BPIFB4: variants seen among roughly 807,000 people sequenced by gnomAD.
BPIFB4 encodes BPI fold containing family B member 4.
BPIFB4 carries 62 observed loss-of-function variants against 69.2 expected under a neutral mutation model. The observed-to-expected ratio is 0.90, with a 90% CI of 0.73 to 1.11. The LOEUF (loss-of-function observed/expected upper bound fraction) is 1.11, where lower values mean the gene tolerates loss of function less well. Ranked by LOEUF, BPIFB4 falls within the 50% of genes least tolerant of loss-of-function variation. BPIFB4 has a pLI of 0.00. For synonymous variants in BPIFB4, 330 were observed against 332.7 expected (o/e 0.99, Z 0.09); for missense variants, 789 against 792.0 (o/e 1.00, Z 0.04).
At position 33,104,872 on chromosome 20, in the gene BPIFB4, C is replaced by T. The variant is rs147752185; in HGVS notation, c.1743C>T (p.Asn581=). ...ACCTGGCATTCATGCCCGCAATGAA[C>T]GGTGAGAGCGGGTGCCTGTGCCTCT... is the stretch of plus-strand genomic sequence containing the variant. ...IFDLAFMPAM[N]AVLGSGVPLP... Residue 581 remains asparagine (N), a splice_region_variant and synonymous_variant, in exon 16 of 18, where the codon AAC becomes AAT. Coordinates refer to ENST00000375483, the MANE Select transcript of BPIFB4 (RefSeq NM_182519.3). 22 of 1,614,004 alleles carry T rather than the reference C, an allele frequency of 1.4e-5. No homozygotes were observed. The highest frequency in any genetic ancestry group is 9.9e-5 in the South Asian group (9 of 91,070).
At chr20:33,101,854 A>G (rs1293071341) in intron 14 of BPIFB4, among the ~76,000 whole-genome samples, 1 of 152,002 alleles carries the variant, frequency 6.6e-6, no homozygotes, top group Non-Finnish European at 1.5e-5. Context: ...CCTTCCTTTA[A>G]TTCTTGATAT....
intron 12 of BPIFB4, among the ~76,000 whole-genome samples, chr20:33,095,424 T>C (rs746068166): frequency 6.6e-6 from 1 of 152,236 alleles, no homozygotes; most frequent in Non-Finnish European, 1.5e-5. Context: ...CTTCCCTTGC[T>C]GTGTGACTTT....
At chr20:33,110,277 G>A (rs1421687686) in intron 17 of BPIFB4, among the ~76,000 whole-genome samples, 1 of 152,048 alleles carries the variant, frequency 6.6e-6, no homozygotes, top group Non-Finnish European at 1.5e-5. Context: ...CCTATTTTGT[G>A]CGATATGCCC....
intron 12 of BPIFB4, among the ~76,000 whole-genome samples, chr20:33,095,512 A>G (rs555328442): frequency 6.6e-6 from 1 of 152,312 alleles, no homozygotes; most frequent in South Asian, 2.1e-4. Flanking sequence ...TCCATAGGTT[A>G]TCATAGGAAG....
rs1389404398 is a variant in BPIFB4 at position 33,111,550 on chromosome 20, C to T, written c.*113C>T. Reference sequence around the variant, plus strand: ...GTCCCCTCAGCCTCCATGACAGGTCCCTCCCTGGCCCCCCAACCCTCTTCC... The same window carrying T: ...GTCCCCTCAGCCTCCATGACAGGTCTCTCCCTGGCCCCCCAACCCTCTTCC... On this transcript the variant is annotated 3_prime_UTR_variant, in exon 18 of 18. Transcript: ENST00000375483. 4 of 1,325,078 alleles carry T rather than the reference C, an allele frequency of 3.0e-6. No homozygotes were observed. Among genetic ancestry groups the T allele is most frequent in the Non-Finnish European group, 4.3e-6 (4 of 937,766 alleles). 82.1% of individuals were successfully genotyped at this position (1,325,078 alleles called of 1,614,324 possible).
intron 14 of BPIFB4, 35 bp from the exon 15 acceptor site, chr20:33,102,937 C>G: frequency 6.2e-7 from 1 of 1,610,270 alleles, no homozygotes; most frequent in Non-Finnish European, 8.5e-7. Flanking sequence ...TTCAGGCAAT[C>G]CCTGCTTCTC....
At chr20:33,097,569 C>A in intron 12 of BPIFB4, 48 bp from the exon 13 acceptor site, 1 of 1,569,976 alleles carries the variant, frequency 6.4e-7, no homozygotes, top group Non-Finnish European at 8.7e-7. Context: ...CCCCTGGGTA[C>A]CTCCTATGCT....
chr20:33,111,405 C>A lies in BPIFB4; in HGVS notation c.1822-9C>A, dbSNP rs756842528. The A allele has an allele frequency of 6.2e-7, 1 of 1,613,960 alleles. No homozygotes were observed. The highest frequency in any genetic ancestry group is 8.5e-7 in the Non-Finnish European group (1 of 1,179,860). ...ACCCATCACCGGCTACTCTGTTCTG[C>A]CATCCAAGGACCTTTTGGTGCTGAG... On this transcript the variant is annotated splice_polypyrimidine_tract_variant and intron_variant, in intron 17 of 17. Transcript: ENST00000375483.
At chr20:33,092,273 C>A (rs1001147689) in intron 10 of BPIFB4, among the ~76,000 whole-genome samples, 185 bp from the exon 11 acceptor site, 2 of 152,164 alleles carry the variant, frequency 1.3e-5, no homozygotes, top group Non-Finnish European at 2.9e-5. Context: ...GCAGGAACTG[C>A]GAAAGGTTCC....
In BPIFB4 at chr20:33,092,518, T is replaced by C. The variant is rs771527154; in HGVS notation, c.1204T>C (p.Ser402Pro). The C allele has an allele frequency of 6.2e-7, 1 of 1,614,104 alleles. No individual in the cohort carries two copies. Among genetic ancestry groups the C allele is most frequent in the South Asian group, 1.1e-5 (1 of 91,078 alleles). ...CTACCCATTGGGGTGGCCAGCTGTG[T>C]CTCCCAAGCCGATGCCAGAGCTGCC... The part of the protein sequence containing the change: ...IDYPLGWPAV[S>P]PKPMPELPPM... Residue 402 changes from serine to proline, a missense_variant, in exon 11 of 18, where the codon TCT (serine) becomes CCT (proline). By Grantham distance (74) the Ser-to-Pro change is moderately conservative (BLOSUM62 -1). Transcript: ENST00000375483.
chr20:33,080,035 G>A (rs1428152350), intron 1 of BPIFB4, among the ~76,000 whole-genome samples: 2 of 152,342 alleles, frequency 1.3e-5, no homozygotes, highest in African/African-American at 2.4e-5. Flanking sequence ...ACTGAAAGGG[G>A]TGATTCCTTT....
chr20:33,081,713 C>T, intron 3 of BPIFB4, 81 bp downstream of exon 3: 1 of 1,521,542 alleles, frequency 6.6e-7, no homozygotes, highest in Non-Finnish European at 8.9e-7. Flanking sequence ...CCAGGAACCT[C>T]CTCCTGCTAG....
chr20:33,081,153 G>A (rs1981216940), intron 2 of BPIFB4, among the ~76,000 whole-genome samples: 2 of 152,164 alleles, frequency 1.3e-5, no homozygotes, highest in Admixed American at 1.3e-4. Context: ...GGTAGATGCT[G>A]GAGAGAGTTC....
At chr20:33,083,268 G>T in intron 4 of BPIFB4, 99 bp from the exon 5 acceptor site, 4 of 1,230,964 alleles carry the variant, frequency 3.2e-6, no homozygotes, top group Non-Finnish European at 4.4e-6. Flanking sequence ...GGGTTGCTGG[G>T]TGGCAGTAGA....
intron 16 of BPIFB4, among the ~76,000 whole-genome samples, chr20:33,106,872 G>C (rs1327551228): frequency 6.6e-6 from 1 of 152,126 alleles, no homozygotes; most frequent in Admixed American, 6.6e-5. Flanking sequence ...ATGTGCACCA[G>C]GCAGGAGGAA....
Position 33,102,968 on chromosome 20 carries a change from A to G in BPIFB4, c.1638-4A>G, listed in dbSNP as rs768054212. Reference sequence around the variant, plus strand: ...TTCTCACAGGCTGTTTTCTTCGTCTACAGGACCAGCCTCAACCTCAGAACC... The same window carrying G: ...TTCTCACAGGCTGTTTTCTTCGTCTGCAGGACCAGCCTCAACCTCAGAACC... On this transcript the variant is annotated splice_polypyrimidine_tract_variant and splice_region_variant and intron_variant, in intron 14 of 17. Transcript: ENST00000375483. 2.5e-6 allele frequency: 4 copies of G among 1,613,968 alleles called. No individual in the cohort carries two copies. Among genetic ancestry groups the G allele is most frequent in the Non-Finnish European group, 3.4e-6 (4 of 1,179,940 alleles).
Position 33,111,705 on chromosome 20 carries a change from C to T in BPIFB4, c.*268C>T. ...GGCCTCTCAGACCCCATCCTGACAG[C>T]AGGTTGAGTATTCCCACTTTCAATA... On this transcript the variant is annotated 3_prime_UTR_variant, in exon 18 of 18. Transcript: ENST00000375483. 1 of 478,772 alleles carries T rather than the reference C, an allele frequency of 2.1e-6. No homozygotes were observed. The highest frequency in any genetic ancestry group is 3.7e-5 in the South Asian group (1 of 27,160). The allele number at this position is 478,772 out of a possible 1,614,324, so 29.7% of individuals were successfully genotyped here.
At position 33,100,504 on chromosome 20, in the gene BPIFB4, A is replaced by C; in HGVS notation, c.1637+11A>C. 1 of 1,605,808 alleles carries C rather than the reference A, an allele frequency of 6.2e-7. No homozygotes were observed. The highest frequency in any genetic ancestry group is 1.1e-5 in the South Asian group (1 of 90,856). ...TGCCAAGCTGGAGAAGTAAGGGGCT[A>C]TGCTGCCTTGGGGTCCTGACGGTGC... On this transcript the variant is annotated intron_variant, in intron 14 of 17. Transcript: ENST00000375483.
chr20:33,093,030 A>G (rs1981653361), intron 11 of BPIFB4, among the ~76,000 whole-genome samples: 1 of 152,254 alleles, frequency 6.6e-6, no homozygotes, highest in Non-Finnish European at 1.5e-5. Flanking sequence ...AATGACACAT[A>G]ACAAAATATC....
Sources: allele counts gnomAD v4.1 joint callset (sites outside exome capture counted in the v4.1 genomes callset), GRCh38; gene constraint gnomAD v4.1.1; transcripts MANE v1.5; gene names NCBI Gene and HGNC (gene_info 2026-07-23, HGNC 2026-07-21).